MGMT: variants seen among roughly 807,000 people sequenced by gnomAD.
MGMT encodes the protein methylated-DNA--protein-cysteine methyltransferase.
MGMT carries 14 observed loss-of-function variants against 15.9 expected under a neutral mutation model. The ratio of observed to expected loss-of-function variants is 0.88; its 90% confidence interval spans 0.58 to 1.37. MGMT has a LOEUF of 1.37. MGMT is among the 40% of genes most tolerant of loss of function. The pLI, the probability that MGMT is intolerant of heterozygous loss-of-function variation, is 0.00. For synonymous variants in MGMT, 130 were observed against 118.2 expected, an observed-to-expected ratio of 1.10 and a Z score of -0.65; for missense variants, 282 against 268.1, an observed-to-expected ratio of 1.05 and a Z score of -0.36.
chr10:129,587,821 T>C (rs1295555164), intron 2 of MGMT, among the ~76,000 whole-genome samples: 1 of 152,212 alleles, frequency 6.6e-6, no homozygotes, highest in Non-Finnish European at 1.5e-5. Flanking sequence ...CTAACATCTT[T>C]GTCAGTTTTG....
chr10:129,683,521 A>G (rs966002143), intron 2 of MGMT, among the ~76,000 whole-genome samples: 8 of 150,322 alleles, frequency 5.3e-5, no homozygotes, highest in African/African-American at 1.9e-4. Flanking sequence ...GCAGCCATGA[A>G]ATATGGAAAA....
In MGMT at chr10:129,469,070, CCTTA is replaced by C. The variant is rs200826038; in HGVS notation, c.-13+1778_-13+1781del. Among the ~76,000 whole-genome samples the C allele has an allele frequency of 2.0e-3, 302 of 152,180 alleles. 1 individual carries two copies. Among genetic ancestry groups the C allele is most frequent in the African/African-American group, 6.5e-3 (269 of 41,506 alleles). ...AGGTCTTACTTTGATATCACCTGGG[CCTTA>C]CTTTTCGTTGTTTGGGTTTCCTCCC... On this transcript the variant is annotated intron_variant, in intron 1 of 4. Coordinates refer to ENST00000651593, the MANE Select transcript of MGMT (RefSeq NM_002412.5).
intron 2 of MGMT, among the ~76,000 whole-genome samples, chr10:129,678,934 G>T (rs368365408): frequency 6.6e-6 from 1 of 152,014 alleles, no homozygotes; most frequent in African/African-American, 2.4e-5. Context: ...CTCGCCGAGC[G>T]TGGTGGTGCA....
chr10:129,615,218 T>C (rs537711317), intron 2 of MGMT, among the ~76,000 whole-genome samples: 1 of 152,286 alleles, frequency 6.6e-6, no homozygotes, highest in Middle Eastern at 3.4e-3. Context: ...TAGGTTTGTT[T>C]TGATTTTAAT....
chr10:129,584,844 C>T (rs979920904), intron 2 of MGMT, among the ~76,000 whole-genome samples: 2 of 152,164 alleles, frequency 1.3e-5, no homozygotes, highest in African/African-American at 4.8e-5. Context: ...AAACAATATC[C>T]CATCATGTGG....
intron 3 of MGMT, among the ~76,000 whole-genome samples, chr10:129,731,560 T>C (rs899730161): frequency 2.6e-5 from 4 of 151,776 alleles, no homozygotes; most frequent in Admixed American, 1.3e-4. Flanking sequence ...CACACCCGGC[T>C]GATTTTAGTG....
chr10:129,729,050 G>A (rs1324771869), intron 3 of MGMT, among the ~76,000 whole-genome samples: 3 of 152,164 alleles, frequency 2.0e-5, no homozygotes, highest in Non-Finnish European at 2.9e-5. Flanking sequence ...GAAGGGAGAT[G>A]GCCCTGGCAT....
intron 2 of MGMT, among the ~76,000 whole-genome samples, chr10:129,626,385 C>G (rs1463887643): frequency 6.9e-6 from 1 of 144,982 alleles, no homozygotes; most frequent in African/African-American, 2.5e-5. Context: ...ATTGGTGAAG[C>G]CTGGGGAGTT....
At chr10:129,643,219 A>G (rs1847348444) in intron 2 of MGMT, among the ~76,000 whole-genome samples, 1 of 152,142 alleles carries the variant, frequency 6.6e-6, no homozygotes, top group Non-Finnish European at 1.5e-5. Context: ...CCCCCATGGC[A>G]GGTGAGGCTG....
chr10:129,726,867 C>G (rs1258342286), intron 3 of MGMT, among the ~76,000 whole-genome samples: 1 of 152,154 alleles, frequency 6.6e-6, no homozygotes, highest in East Asian at 1.9e-4. Flanking sequence ...CTTTCTGTCA[C>G]TATAGGTTTT....
intron 2 of MGMT, among the ~76,000 whole-genome samples, chr10:129,568,026 A>G (rs1183647130): frequency 6.6e-6 from 1 of 152,252 alleles, no homozygotes; most frequent in Non-Finnish European, 1.5e-5. Context: ...TTGCACTTTA[A>G]GAGACATTAA....
At chr10:129,534,233 G>A (rs1005091381) in intron 1 of MGMT, among the ~76,000 whole-genome samples, 3 of 152,096 alleles carry the variant, frequency 2.0e-5, no homozygotes, top group Admixed American at 6.5e-5. Flanking sequence ...AAGGCAGGTG[G>A]CTCCTTCCAC....
At position 129,585,638 on chromosome 10, in the gene MGMT, A is replaced by G. The variant is rs143668564; in HGVS notation, c.125+49261A>G. Among the ~76,000 whole-genome samples the G allele has an allele frequency of 4.7e-3, 715 of 152,336 alleles. 5 individuals carry two copies. Among genetic ancestry groups the G allele is most frequent in the African/African-American group, 0.016 (673 of 41,578 alleles). On this transcript the variant is annotated intron_variant, in intron 2 of 4. Transcript: ENST00000651593. ...ATATCACTTCATTCTTGTGAATTCA[A>G]CGTAGTCCTTAACATATAGCAAATT...
At chr10:129,477,388 C>T (rs894259404) in intron 1 of MGMT, among the ~76,000 whole-genome samples, 1 of 152,178 alleles carries the variant, frequency 6.6e-6, no homozygotes, top group African/African-American at 2.4e-5. Context: ...GCACAGAGTG[C>T]TGGACACAGG....
intron 2 of MGMT, among the ~76,000 whole-genome samples, chr10:129,540,029 G>A (rs1173347360): frequency 6.6e-6 from 1 of 152,154 alleles, no homozygotes; most frequent in East Asian, 1.9e-4. Context: ...TCAGTTCTTG[G>A]CTTTGACTGG....
chr10:129,689,008 A>G (rs1320655919), intron 2 of MGMT, among the ~76,000 whole-genome samples: 2 of 151,846 alleles, frequency 1.3e-5, no homozygotes, highest in Non-Finnish European at 2.9e-5. Context: ...CCCAGGCTGG[A>G]TGGAGTACAG....
intron 1 of MGMT, among the ~76,000 whole-genome samples, chr10:129,473,014 G>GGTGGGCTTCAT (rs1300656143): frequency 6.6e-6 from 1 of 152,224 alleles, no homozygotes; most frequent in Non-Finnish European, 1.5e-5. Context: ...AGAGTGGGCA[G>GGTGGGCTTCAT]GTGGGCTTCA....
At chr10:129,675,184 C>T (rs1309275841) in intron 2 of MGMT, among the ~76,000 whole-genome samples, 1 of 152,160 alleles carries the variant, frequency 6.6e-6, no homozygotes, top group Non-Finnish European at 1.5e-5. Flanking sequence ...AGCAAGGGCC[C>T]AGCACACTGG....
intron 1 of MGMT, among the ~76,000 whole-genome samples, chr10:129,482,946 A>G (rs1204329056): frequency 3.9e-5 from 6 of 152,190 alleles, no homozygotes; most frequent in Non-Finnish European, 5.9e-5. Flanking sequence ...TTCATTTGTC[A>G]TTCACCAATT....
Sources: gnomAD v4.1 joint callset for allele counts (sites outside exome capture counted in the v4.1 genomes callset) on GRCh38, gnomAD v4.1.1 for gene constraint, MANE v1.5 for transcripts, NCBI Gene and HGNC (gene_info 2026-07-23, HGNC 2026-07-21) for gene names.